Variants in IL1RAPL2 observed in about 807,000 individuals in gnomAD.
The protein encoded by IL1RAPL2 is X-linked interleukin-1 receptor accessory protein-like 2.
IL1RAPL2 carries 3 observed loss-of-function variants against 44.1 expected under a neutral mutation model. The ratio of observed to expected loss-of-function variants is 0.07; its 90% CI spans 0.03 to 0.18. IL1RAPL2 has a LOEUF of 0.18. IL1RAPL2 is among the 10% of genes least tolerant of loss of function. The pLI is 1.00. For synonymous variants in IL1RAPL2, 181 were observed against 178.8 expected, an observed-to-expected ratio of 1.01 and a Z score of -0.10; for missense variants, 391 against 496.4, an observed-to-expected ratio of 0.79 and a Z score of 2.02.
intron 6 of IL1RAPL2, among the ~76,000 whole-genome samples, chrX:105,621,240 A>T (rs2147831139): frequency 8.9e-6 from 1 of 111,864 alleles, no homozygotes; most frequent in South Asian, 3.7e-4. Context: ...GAGACACCAA[A>T]TTGTTTTTGG....
intron 4 of IL1RAPL2, among the ~76,000 whole-genome samples, chrX:105,254,310 G>A (rs752038186): frequency 1.4e-4 from 16 of 111,625 alleles, no homozygotes; most frequent in Non-Finnish European, 2.6e-4. Flanking sequence ...CAGTGATGTC[G>A]AGCATTTTTT....
At position 104,800,423 on chromosome X, in the gene IL1RAPL2, C is replaced by T. The variant is rs773245277; in HGVS notation, c.82+141428C>T. Among the ~76,000 whole-genome samples the T allele has an allele frequency of 4.5e-5, 5 of 111,458 alleles. No homozygotes were observed. In the East Asian group the frequency reaches 1.1e-3, roughly 25 times the overall value. On this transcript the variant is annotated intron_variant, in intron 2 of 10. Coordinates refer to ENST00000372582, the MANE Select transcript of IL1RAPL2 (RefSeq NM_017416.2). ...TTAGTGATTGCAAACCTCTAATCTT[C>T]AGGCCTGTGATATTCCAAAAATTGT... is the stretch of plus-strand genomic sequence containing the variant.
intron 2 of IL1RAPL2, among the ~76,000 whole-genome samples, chrX:104,921,753 C>T (rs1386610689): frequency 8.9e-6 from 1 of 112,662 alleles, no homozygotes; most frequent in African/African-American, 3.2e-5. Flanking sequence ...GCCTGATAGC[C>T]ATGGTTTCTG....
intron 1 of IL1RAPL2, among the ~76,000 whole-genome samples, chrX:104,616,856 G>A (rs928110543): frequency 7.1e-5 from 8 of 111,951 alleles, no homozygotes; most frequent in African/African-American, 2.3e-4. Context: ...CCGCACAGCC[G>A]GCTCTGCGTG....
At chrX:105,481,958 A>G (rs1225531317) in intron 5 of IL1RAPL2, among the ~76,000 whole-genome samples, 1 of 112,080 alleles carries the variant, frequency 8.9e-6, no homozygotes, top group Non-Finnish European at 1.9e-5. Flanking sequence ...CCAGTTGCAC[A>G]TGTATCCATC....
At chrX:105,526,098 A>G (rs1158891356) in intron 6 of IL1RAPL2, among the ~76,000 whole-genome samples, 5 of 112,074 alleles carry the variant, frequency 4.5e-5, no homozygotes, top group Non-Finnish European at 9.4e-5. Flanking sequence ...TATCAACTCT[A>G]TCAGCAGCTG....
chrX:104,686,728 A>G (rs1930995233), intron 2 of IL1RAPL2, among the ~76,000 whole-genome samples: 1 of 112,310 alleles, frequency 8.9e-6, no homozygotes, highest in Admixed American at 9.4e-5. Flanking sequence ...GTTGGTGAAC[A>G]TAAATACACT....
chrX:105,626,128 G>T (rs114998923), intron 6 of IL1RAPL2, among the ~76,000 whole-genome samples: 1,130 of 111,669 alleles, frequency 0.01, 23 homozygotes, highest in African/African-American at 0.035. Context: ...ATACATTTCA[G>T]CATAGGAGGA....
intron 5 of IL1RAPL2, among the ~76,000 whole-genome samples, chrX:105,363,317 A>G (rs1028511439): frequency 6.1e-4 from 55 of 90,430 alleles, no homozygotes; most frequent in African/African-American, 2.3e-3. Context: ...TAATATATAT[A>G]TATATATATA....
At chrX:104,759,506 G>C (rs761377660) in intron 2 of IL1RAPL2, among the ~76,000 whole-genome samples, 1 of 111,160 alleles carries the variant, frequency 9.0e-6, no homozygotes, top group Non-Finnish European at 1.9e-5. Flanking sequence ...ATATGTCTAG[G>C]AGCAGCATTT....
At chrX:104,954,255 A>G (rs1691391041) in intron 2 of IL1RAPL2, among the ~76,000 whole-genome samples, 1 of 112,587 alleles carries the variant, frequency 8.9e-6, no homozygotes, top group Non-Finnish European at 1.9e-5. Flanking sequence ...ATTAATTGTA[A>G]TGACTCTTCA....
At chrX:105,100,388 G>A (rs1302234858) in intron 2 of IL1RAPL2, among the ~76,000 whole-genome samples, 2 of 111,634 alleles carry the variant, frequency 1.8e-5, no homozygotes, top group East Asian at 2.8e-4. Context: ...TGAAGGCTAA[G>A]GGCATAAATA....
chrX:105,535,418 A>G (rs1326426500), intron 6 of IL1RAPL2, among the ~76,000 whole-genome samples: 1 of 111,856 alleles, frequency 8.9e-6, no homozygotes, highest in Non-Finnish European at 1.9e-5. Context: ...AAAGTTAAAC[A>G]TACACTTGTC....
chrX:104,936,345 T>C (rs1176205776), intron 2 of IL1RAPL2, among the ~76,000 whole-genome samples: 1 of 111,739 alleles, frequency 8.9e-6, no homozygotes, highest in Non-Finnish European at 1.9e-5. Flanking sequence ...GTGTATCACA[T>C]ATAGGAAGGC....
At chrX:104,582,692 T>TTCTTTC (rs1223095626) in intron 1 of IL1RAPL2, among the ~76,000 whole-genome samples, 2 of 98,309 alleles carry the variant, frequency 2.0e-5, no homozygotes, top group Non-Finnish European at 4.1e-5. Flanking sequence ...CTTTCTTTCT[T>TTCTTTC]TCTCTCTCTC....
At chrX:105,170,352 A>G (rs1004140791) in intron 2 of IL1RAPL2, among the ~76,000 whole-genome samples, 4 of 111,780 alleles carry the variant, frequency 3.6e-5, no homozygotes, top group African/African-American at 6.5e-5. Flanking sequence ...AATATAGATG[A>G]TCATTCCTTA....
At chrX:104,991,785 TA>T (rs1423815933) in intron 2 of IL1RAPL2, among the ~76,000 whole-genome samples, 2 of 111,657 alleles carry the variant, frequency 1.8e-5, no homozygotes, top group Non-Finnish European at 3.8e-5. Flanking sequence ...GGAAGACAAC[TA>T]AGAAAATCTA....
At chrX:104,940,877 T>A (rs1239734284) in intron 2 of IL1RAPL2, among the ~76,000 whole-genome samples, 3 of 48,470 alleles carry the variant, frequency 6.2e-5, no homozygotes, top group Non-Finnish European at 1.1e-4. Context: ...TCCCTCCCCC[T>A]CCCCCCACCC....
chrX:105,043,465 C>A (rs1227741642), intron 2 of IL1RAPL2, among the ~76,000 whole-genome samples: 2 of 109,674 alleles, frequency 1.8e-5, no homozygotes. Context: ...ACCCCCAACT[C>A]CCAATCCCTT....
Sources: allele counts gnomAD v4.1 joint callset (sites outside exome capture counted in the v4.1 genomes callset), GRCh38; gene constraint gnomAD v4.1.1; transcripts MANE v1.5; gene names NCBI Gene and HGNC (gene_info 2026-07-23, HGNC 2026-07-21).